Variants in NKIRAS1 observed in about 807,000 individuals in gnomAD.
NKIRAS1 encodes NF-kappa-B inhibitor-interacting Ras-like protein 1.
A neutral mutation model predicts 19.8 loss-of-function variants in NKIRAS1; 16 were observed. The ratio of observed to expected loss-of-function variants is 0.81; its 90% CI spans 0.55 to 1.23. The LOEUF (loss-of-function observed/expected upper bound fraction) is 1.23. NKIRAS1 is among the 50% of genes most tolerant of loss of function. The pLI, the probability that NKIRAS1 is intolerant of heterozygous loss-of-function variation, is 0.00. For synonymous variants in NKIRAS1, 88 were observed against 79.0 expected, an observed-to-expected ratio of 1.11 and a Z score of -0.61; for missense variants, 184 against 220.0, an observed-to-expected ratio of 0.84 and a Z score of 1.04.
In NKIRAS1 at chr3:23,900,815, T is replaced by C; in HGVS notation, c.329A>G (p.Lys110Arg). ...TTTAACATATCCACTTGCCTCTTTT[T>C]TGTCTTTGAACTTATCGATTTCTTT... ...LKKEIDKFKD[K>R]KEVAIVVLGN... The change falls in exon 4 of 5, where the codon AAA (lysine) becomes AGA (arginine). Residue 110 changes from lysine to arginine, a missense_variant. Transcript: ENST00000425478. 6.2e-7 allele frequency: 1 copy of C among 1,612,488 alleles called. No homozygotes were observed. Among genetic ancestry groups the C allele is most frequent in the Non-Finnish European group, 8.5e-7 (1 of 1,179,124 alleles).
At chr3:23,946,014 G>A (rs1705680897) in intron 1 of NKIRAS1, 1 of 746,018 alleles carries the variant, frequency 1.3e-6, no homozygotes. Flanking sequence ...GGGCCGCAGG[G>A]ACACGTGGGG....
At chr3:23,946,084 C>T (rs1371128241) in intron 1 of NKIRAS1, 2 of 984,494 alleles carry the variant, frequency 2.0e-6, no homozygotes, top group Non-Finnish European at 2.4e-6. Context: ...AGGCTCCGCC[C>T]CTTTGGAAGC....
At chr3:23,898,588 C>T (rs998401068) in intron 4 of NKIRAS1, among the ~76,000 whole-genome samples, 2 of 152,048 alleles carry the variant, frequency 1.3e-5, no homozygotes, top group African/African-American at 2.4e-5. Context: ...GGATTACAGG[C>T]GTGTGCTACC....
chr3:23,921,950 C>A (rs1049449229), upstream of NKIRAS1: 3 of 239,584 alleles, frequency 1.3e-5, no homozygotes, highest in South Asian at 1.2e-4. Flanking sequence ...CTCAAGCAAT[C>A]CTGCCTTGGC....
chr3:23,946,008 C>A, intron 1 of NKIRAS1: 1 of 700,242 alleles, frequency 1.4e-6, no homozygotes, highest in Non-Finnish European at 1.8e-6. Flanking sequence ...TCCCCGGGGC[C>A]GCAGGGACAC....
chr3:23,946,181 C>T, intron 1 of NKIRAS1: 3 of 985,316 alleles, frequency 3.0e-6, no homozygotes, highest in Non-Finnish European at 3.6e-6. Flanking sequence ...CCCGCTGAGC[C>T]CCCGCGGCGG....
chr3:23,945,205 GA>G (rs1376475864), intron 1 of NKIRAS1: 1 of 14,736 alleles, frequency 6.8e-5, no homozygotes, highest in Non-Finnish European at 1.7e-4. Context: ...CGGCGGGGCG[GA>G]GGTCGCCGCA....
intron 3 of NKIRAS1, among the ~76,000 whole-genome samples, chr3:23,905,378 G>A (rs1702917816): frequency 6.6e-6 from 1 of 152,098 alleles, no homozygotes; most frequent in Non-Finnish European, 1.5e-5. Flanking sequence ...ATTATGTGAA[G>A]GTTTGTCTTA....
intron 3 of NKIRAS1, among the ~76,000 whole-genome samples, chr3:23,904,036 G>A (rs531828537): frequency 1.3e-5 from 2 of 152,066 alleles, no homozygotes; most frequent in Admixed American, 6.6e-5. Flanking sequence ...ACGGTGGTGC[G>A]CACCTGTAAT....
chr3:23,939,386 A>G (rs2125270659), intron 1 of NKIRAS1, among the ~76,000 whole-genome samples: 1 of 149,904 alleles, frequency 6.7e-6, no homozygotes, highest in Non-Finnish European at 1.5e-5. Flanking sequence ...AAAAGTTAAC[A>G]AAGTAAATAA....
At chr3:23,918,812 CAGA>C, upstream of NKIRAS1, 1 of 563,426 alleles carries the variant, frequency 1.8e-6, no homozygotes, top group Admixed American at 3.6e-5. Flanking sequence ...CAAGAATATG[CAGA>C]AGAGACCAAA....
At chr3:23,941,133 T>C (rs1705488818) in intron 1 of NKIRAS1, among the ~76,000 whole-genome samples, 1 of 152,206 alleles carries the variant, frequency 6.6e-6, no homozygotes, top group African/African-American at 2.4e-5. Context: ...GTTTCGGTAT[T>C]AGGAGCTAGC....
At chr3:23,928,307 T>C (rs1705245459) in intron 1 of NKIRAS1, among the ~76,000 whole-genome samples, 1 of 148,302 alleles carries the variant, frequency 6.7e-6, no homozygotes, top group South Asian at 2.1e-4. Context: ...AATAAATAAA[T>C]AAATAAATAA....
chr3:23,891,485 C>A lies in NKIRAS1; in HGVS notation c.*1610G>T, dbSNP rs1275220769. Among the ~76,000 whole-genome samples the A allele has an allele frequency of 6.6e-6, 1 of 152,126 alleles. No homozygotes were observed. The highest frequency in any genetic ancestry group is 1.5e-5 in the Non-Finnish European group (1 of 68,016). ...CTTTACACAGCTGTAGATGAGGTAT[C>A]CTAGAAAAGGTTAAATAATCTACCC... On this transcript the variant is annotated 3_prime_UTR_variant, in exon 5 of 5. Coordinates refer to ENST00000425478, the MANE Select transcript of NKIRAS1 (RefSeq NM_020345.4).
Position 23,894,593 on chromosome 3 carries a change from G to C in NKIRAS1, c.337-1256C>G, listed in dbSNP as rs992214983. ...AGAAACTCGTTCACTTTACCCCTTA[G>C]AATTCAGCAAGACTAACCCCCACTG... is the stretch of plus-strand genomic sequence containing the variant. On this transcript the variant is annotated intron_variant, in intron 4 of 4. Coordinates refer to ENST00000425478, the MANE Select transcript of NKIRAS1 (RefSeq NM_020345.4). Among the ~76,000 whole-genome samples the C allele has an allele frequency of 2.1e-5, 3 of 141,990 alleles. No individual in the cohort carries two copies. In the South Asian group the frequency reaches 6.7e-4, roughly 32 times the overall value. 93.2% of individuals were successfully genotyped at this position (141,990 alleles called of 152,430 possible).
chr3:23,920,407 G>GT, upstream of NKIRAS1: 1 of 985,416 alleles, frequency 1.0e-6, no homozygotes, highest in Non-Finnish European at 1.2e-6. Flanking sequence ...GTTTTCTGCA[G>GT]TTATTTCTCT....
At chr3:23,918,650 C>T, upstream of NKIRAS1, 1 of 1,529,660 alleles carries the variant, frequency 6.5e-7, no homozygotes, top group Non-Finnish European at 8.9e-7. Context: ...AGCAACTTTT[C>T]TGATTGTACT....
chr3:23,899,641 A>G (rs533307955), intron 4 of NKIRAS1, among the ~76,000 whole-genome samples: 1 of 152,364 alleles, frequency 6.6e-6, no homozygotes, highest in South Asian at 2.1e-4. Context: ...TATCATGTTG[A>G]AAAAACAGAA....
intron 3 of NKIRAS1, among the ~76,000 whole-genome samples, chr3:23,904,441 G>A (rs1313802357): frequency 6.6e-6 from 1 of 152,158 alleles, no homozygotes; most frequent in South Asian, 2.1e-4. Flanking sequence ...AGAAGGGCAA[G>A]AGAGCACTCC....
Sources: allele counts gnomAD v4.1 joint callset (sites outside exome capture counted in the v4.1 genomes callset), GRCh38; gene constraint gnomAD v4.1.1; transcripts MANE v1.5; gene names NCBI Gene and HGNC (gene_info 2026-07-23, HGNC 2026-07-21).